Variants in PRRG4 observed in about 807,000 individuals in gnomAD.
PRRG4 encodes transmembrane gamma-carboxyglutamic acid protein 4.
A neutral mutation model predicts 20.0 loss-of-function variants in PRRG4; 12 were observed. The observed-to-expected ratio is 0.60, with a 90% CI of 0.38 to 0.97. The LOEUF (loss-of-function observed/expected upper bound fraction) is 0.97. Ranked by LOEUF, PRRG4 falls within the 50% of genes least tolerant of loss-of-function variation. PRRG4 has a pLI of 0.00. For missense variants in PRRG4, 199 were observed against 265.1 expected (o/e 0.75, Z 1.73); for synonymous variants, 94 against 96.4 (o/e 0.98, Z 0.15).
intron 5 of PRRG4, among the ~76,000 whole-genome samples, chr11:32,850,442 G>A (rs1177547698): frequency 6.6e-6 from 1 of 152,174 alleles, no homozygotes; most frequent in East Asian, 1.9e-4. Context: ...TATTTTAAAA[G>A]TACGATTAGT....
chr11:32,841,230 C>A (rs1851074648), intron 5 of PRRG4, among the ~76,000 whole-genome samples: 2 of 152,042 alleles, frequency 1.3e-5, no homozygotes, highest in South Asian at 4.2e-4. Flanking sequence ...GCAAAATGGG[C>A]AGTGTTTTTG....
At chr11:32,846,354 T>C (rs1311764109) in intron 5 of PRRG4, among the ~76,000 whole-genome samples, 1 of 152,092 alleles carries the variant, frequency 6.6e-6, no homozygotes, top group East Asian at 1.9e-4. Context: ...AGTGAGTGAC[T>C]TGGGAAATGT....
chr11:32,849,997 A>T (rs1170890655), intron 5 of PRRG4, among the ~76,000 whole-genome samples: 1 of 152,248 alleles, frequency 6.6e-6, no homozygotes, highest in Non-Finnish European at 1.5e-5. Flanking sequence ...TCTTTCTAGG[A>T]CTTTTCACTA....
intron 1 of PRRG4, 33 bp from the exon 2 acceptor site, chr11:32,830,472 CCTT>C: frequency 7.4e-7 from 1 of 1,345,518 alleles, no homozygotes; most frequent in Non-Finnish European, 1.0e-6. Context: ...GAGCTAGGGG[CCTT>C]TTTTTTTTAA....
chr11:32,835,169 A>C (rs887868525), intron 2 of PRRG4, among the ~76,000 whole-genome samples: 4 of 152,360 alleles, frequency 2.6e-5, no homozygotes, highest in African/African-American at 9.6e-5. Flanking sequence ...TAGACAAAAT[A>C]GTTTTAGAAC....
At chr11:32,831,323 T>C (rs151035866) in intron 2 of PRRG4, among the ~76,000 whole-genome samples, 57 of 152,292 alleles carry the variant, frequency 3.7e-4, no homozygotes, top group African/African-American at 1.3e-3. Flanking sequence ...TTCATGGTGC[T>C]TCCCCACTCA....
At position 32,831,914 on chromosome 11, in the gene PRRG4, G is replaced by A. The variant is rs185223906; in HGVS notation, c.103+1282G>A. Among the ~76,000 whole-genome samples the A allele has an allele frequency of 5.5e-4, 83 of 152,110 alleles. No individual in the cohort carries two copies. In the East Asian group the frequency reaches 0.015, roughly 28 times the overall value. On this transcript the variant is annotated intron_variant, in intron 2 of 5. Coordinates refer to ENST00000257836, the MANE Select transcript of PRRG4 (RefSeq NM_024081.6). ...CACGTGCCTATAATCCCAGCTACCC[G>A]GGAGGCAGAGGCTGCAGTGAGCTGA...
intron 2 of PRRG4, among the ~76,000 whole-genome samples, chr11:32,831,784 G>T (rs1850973902): frequency 6.6e-6 from 1 of 152,066 alleles, no homozygotes; most frequent in African/African-American, 2.4e-5. Flanking sequence ...ACTTTGGGAG[G>T]CCGAGGCAGG....
At chr11:32,852,812 C>T (rs577191441) in intron 5 of PRRG4, among the ~76,000 whole-genome samples, 1 of 150,516 alleles carries the variant, frequency 6.6e-6, no homozygotes, top group South Asian at 2.1e-4. Context: ...TCTCTCTGTC[C>T]CCCGAGGCTG....
chr11:32,833,425 G>A (rs1331835255), intron 2 of PRRG4, among the ~76,000 whole-genome samples: 1 of 152,080 alleles, frequency 6.6e-6, no homozygotes, highest in Non-Finnish European at 1.5e-5. Context: ...TCAACCTACT[G>A]GAACAGAAGA....
intron 3 of PRRG4, among the ~76,000 whole-genome samples, chr11:32,837,788 G>C (rs992191614): frequency 6.6e-6 from 1 of 151,878 alleles, no homozygotes; most frequent in African/African-American, 2.4e-5. Context: ...AAACACCTGA[G>C]CTCAGGCAGT....
chr11:32,844,726 C>G (rs1487876159), intron 5 of PRRG4, among the ~76,000 whole-genome samples: 2 of 152,046 alleles, frequency 1.3e-5, no homozygotes, highest in Non-Finnish European at 2.9e-5. Flanking sequence ...GACTTGAACT[C>G]CTGACCTCAA....
chr11:32,844,276 A>G (rs1480957776), intron 5 of PRRG4, among the ~76,000 whole-genome samples: 1 of 152,080 alleles, frequency 6.6e-6, no homozygotes, highest in Non-Finnish European at 1.5e-5. Flanking sequence ...ACCACACTAC[A>G]TAGTTCCAGA....
At chr11:32,832,294 C>G (rs951664943) in intron 2 of PRRG4, among the ~76,000 whole-genome samples, 1 of 152,046 alleles carries the variant, frequency 6.6e-6, no homozygotes, top group African/African-American at 2.4e-5. Flanking sequence ...GTTAAACAGA[C>G]GATCTCCATC....
intron 5 of PRRG4, among the ~76,000 whole-genome samples, chr11:32,846,403 T>C (rs1201756518): frequency 1.3e-5 from 2 of 152,126 alleles, no homozygotes; most frequent in Admixed American, 1.3e-4. Flanking sequence ...TACATTTGAG[T>C]TGCCAGACAT....
At chr11:32,833,521 T>C (rs1289744693) in intron 2 of PRRG4, among the ~76,000 whole-genome samples, 1 of 152,230 alleles carries the variant, frequency 6.6e-6, no homozygotes, top group Non-Finnish European at 1.5e-5. Context: ...GAGGCAGATA[T>C]CTAATTCTCC....
rs1851226000 is a variant in PRRG4 at position 32,856,109 on chromosome 11, C to T, written c.*2582C>T. On this transcript the variant is annotated 3_prime_UTR_variant, in exon 6 of 6. Coordinates refer to ENST00000257836, the MANE Select transcript of PRRG4 (RefSeq NM_024081.6). ...ATATATTTAGATGTATTCTCATATACATATGAAAATATTTATGATGAATAG... is the reference window on the plus strand; with the variant it reads ...ATATATTTAGATGTATTCTCATATATATATGAAAATATTTATGATGAATAG... 1.3e-5 allele frequency: 2 copies of T among 152,070 alleles called. No homozygotes were observed. The highest frequency in any genetic ancestry group is 4.8e-5 in the African/African-American group (2 of 41,400). The allele number at this position is 152,070 out of a possible 1,614,324, so 9.4% of individuals were successfully genotyped here. A position where few individuals can be genotyped will look rare whatever the true frequency, so the allele number is the denominator to read the frequency against.
At chr11:32,843,611 A>G (rs1222784222) in intron 5 of PRRG4, among the ~76,000 whole-genome samples, 2 of 152,084 alleles carry the variant, frequency 1.3e-5, no homozygotes, top group Non-Finnish European at 2.9e-5. Flanking sequence ...AGTGCAGTAC[A>G]TTTTTAAAAA....
In PRRG4 at chr11:32,856,117, A is replaced by C. The variant is rs1801812292; in HGVS notation, c.*2590A>C. 6.6e-6 allele frequency: 1 copy of C among 152,202 alleles called. No individual in the cohort carries two copies. Among genetic ancestry groups the C allele is most frequent in the South Asian group, 2.1e-4 (1 of 4,832 alleles). The allele number at this position is 152,202 out of a possible 1,614,324, so 9.4% of individuals were successfully genotyped here. On this transcript the variant is annotated 3_prime_UTR_variant, in exon 6 of 6. Coordinates refer to ENST00000257836, the MANE Select transcript of PRRG4 (RefSeq NM_024081.6). ...AGATGTATTCTCATATACATATGAA[A>C]ATATTTATGATGAATAGAATTATAA...
Sources: gnomAD v4.1 joint callset for allele counts (sites outside exome capture counted in the v4.1 genomes callset) on GRCh38, gnomAD v4.1.1 for gene constraint, MANE v1.5 for transcripts, NCBI Gene and HGNC (gene_info 2026-07-23, HGNC 2026-07-21) for gene names.